The following NAV3 variants were observed in gnomAD, a reference collection of about 807,000 sequenced individuals.
The protein encoded by NAV3 is pore membrane and/or filament interacting like protein 1.
In NAV3, 87 loss-of-function variants were observed where a neutral mutation model predicts 244.7. The ratio of observed to expected loss-of-function variants is 0.36; its 90% CI spans 0.30 to 0.42. The LOEUF (loss-of-function observed/expected upper bound fraction) is 0.42, where lower values mean the gene tolerates loss of function less well. Ranked by LOEUF, NAV3 falls within the 20% of genes least tolerant of loss-of-function variation. The pLI is 1.00. For synonymous variants in NAV3, 1,126 were observed against 1,042.2 expected (o/e 1.08, Z -1.55); for missense variants, 2,663 against 2,893.3 (o/e 0.92, Z 1.83).
At chr12:78,009,617 C>T (rs575826552) in intron 8 of NAV3, among the ~76,000 whole-genome samples, 48 of 152,204 alleles carry the variant, frequency 3.2e-4, no homozygotes, top group African/African-American at 4.8e-4. Context: ...TTCTGACCCA[C>T]AATTTCCTAA....
At chr12:78,141,143 T>C (rs414480) in intron 20 of NAV3, among the ~76,000 whole-genome samples, 50,887 of 151,860 alleles carry the variant, frequency 0.34, 8,819 homozygotes, top group East Asian at 0.48. Flanking sequence ...CCTCCTGCTT[T>C]AGCCTCCCCA....
At chr12:77,934,076 G>A (rs116930224) in intron 1 of NAV3, among the ~76,000 whole-genome samples, 2 of 152,192 alleles carry the variant, frequency 1.3e-5, no homozygotes, top group East Asian at 1.9e-4. Flanking sequence ...AGTGTTTGAG[G>A]GCCAGGCTCA....
At chr12:77,630,343 C>T (rs1222929978) in intron 2 of NAV3, among the ~76,000 whole-genome samples, 1 of 152,162 alleles carries the variant, frequency 6.6e-6, no homozygotes, top group African/African-American at 2.4e-5. Context: ...TATAGATTAG[C>T]AAATTATTAC....
rs73427434 is a variant in NAV3 at position 77,667,258 on chromosome 12, C to T, written c.72+94992C>T. On this transcript the variant is annotated intron_variant, in intron 2 of 8. Transcript: ENST00000550042. Reference sequence around the variant, plus strand: ...ACATACCAGGAAAGGCGAGAGAATCCACAGACCCTTTGAAGGAACTGGATT... The same window carrying T: ...ACATACCAGGAAAGGCGAGAGAATCTACAGACCCTTTGAAGGAACTGGATT... Among the ~76,000 whole-genome samples, 1,267 of 152,172 alleles carry T rather than the reference C, an allele frequency of 8.3e-3. 18 individuals carry two copies. Among genetic ancestry groups the T allele is most frequent in the African/African-American group, 0.029 (1,201 of 41,520 alleles).
At chr12:77,767,797 C>A (rs776544521) in intron 2 of NAV3, among the ~76,000 whole-genome samples, 13 of 152,138 alleles carry the variant, frequency 8.5e-5, no homozygotes, top group Non-Finnish European at 1.5e-4. Context: ...TCTGAGATCC[C>A]CAAAGGGCTG....
chr12:78,013,059 C>T (rs943735665), intron 8 of NAV3, among the ~76,000 whole-genome samples: 1 of 152,068 alleles, frequency 6.6e-6, no homozygotes, highest in African/African-American at 2.4e-5. Flanking sequence ...TCTCTCACTT[C>T]CTATAAATGG....
intron 8 of NAV3, among the ~76,000 whole-genome samples, chr12:78,011,727 A>G (rs1394826623): frequency 6.6e-6 from 1 of 152,232 alleles, no homozygotes; most frequent in Non-Finnish European, 1.5e-5. Flanking sequence ...GAGAGACTAT[A>G]TTAGTCAGTT....
chr12:78,106,097 A>G (rs1023750039), intron 12 of NAV3, among the ~76,000 whole-genome samples: 19 of 151,752 alleles, frequency 1.3e-4, no homozygotes, highest in African/African-American at 4.6e-4. Context: ...TAATATATTT[A>G]AATGTAGAGA....
chr12:77,915,400 T>G (rs1340657932), intron 1 of NAV3, among the ~76,000 whole-genome samples: 3 of 151,990 alleles, frequency 2.0e-5, no homozygotes, highest in Non-Finnish European at 4.4e-5. Context: ...CTCTGAAATT[T>G]CTTCTTGTAT....
In NAV3 at chr12:78,079,467, G is replaced by T. The variant is rs979537574; in HGVS notation, c.2636+20352G>T. Among the ~76,000 whole-genome samples, 3 of 152,166 alleles carry T rather than the reference G, an allele frequency of 2.0e-5. No individual in the cohort carries two copies. In the South Asian group the frequency reaches 6.2e-4, roughly 32 times the overall value. Reference sequence around the variant, plus strand: ...TATCAGCAAAAAGGCTGTATTTTTTGATATTTTTTATTTGGTATTTGATAT... The same window carrying T: ...TATCAGCAAAAAGGCTGTATTTTTTTATATTTTTTATTTGGTATTTGATAT... On this transcript the variant is annotated intron_variant, in intron 12 of 39. Coordinates refer to ENST00000397909, the MANE Select transcript of NAV3 (RefSeq NM_001024383.2).
chr12:77,997,553 C>T (rs1441110804), intron 6 of NAV3, among the ~76,000 whole-genome samples: 1 of 152,164 alleles, frequency 6.6e-6, no homozygotes, highest in Admixed American at 6.5e-5. Context: ...CCTTCATACA[C>T]AAAGAGTAGC....
At chr12:77,963,539 GA>G (rs1267292388) in intron 3 of NAV3, among the ~76,000 whole-genome samples, 3 of 152,090 alleles carry the variant, frequency 2.0e-5, no homozygotes, top group South Asian at 2.1e-4. Context: ...TACATTGTGA[GA>G]AAATAAATTT....
In NAV3 at chr12:77,572,210, G is replaced by C. The variant is rs1357070062; in HGVS notation, c.16G>C (p.Glu6Gln). 30 of 154,314 alleles carry C rather than the reference G, an allele frequency of 1.9e-4. No individual in the cohort carries two copies. The Admixed American group carries it at 2.0e-3, about 10-fold the overall frequency. The allele number at this position is 154,314 out of a possible 1,614,324, so 9.6% of individuals were successfully genotyped here. The change falls in exon 2 of 9, where the codon GAA (glutamate) becomes CAA (glutamine). Residue 6 changes from glutamate to glutamine, a missense_variant. Physicochemically the swap from Glu to Gln is conservative, Grantham distance 29. Transcript: ENST00000550042. ...ACCTAATGTGATGGATTTATCTTCAGAAATGAACAGACATGGGAAGAATCC... is the reference window on the plus strand; with the variant it reads ...ACCTAATGTGATGGATTTATCTTCACAAATGAACAGACATGGGAAGAATCC...
intron 3 of NAV3, among the ~76,000 whole-genome samples, chr12:77,961,303 T>TA (rs1891938630): frequency 3.5e-5 from 5 of 143,840 alleles, no homozygotes; most frequent in Non-Finnish European, 7.5e-5. Context: ...TACACATATG[T>TA]ATATATTACA....
chr12:77,578,283 G>A (rs1869187541), intron 2 of NAV3, among the ~76,000 whole-genome samples: 1 of 152,170 alleles, frequency 6.6e-6, no homozygotes, highest in Non-Finnish European at 1.5e-5. Flanking sequence ...TGCATTTTAA[G>A]ATCCCCCGGT....
At chr12:78,018,922 A>AATCCTCT (rs1876687807) in intron 8 of NAV3, among the ~76,000 whole-genome samples, 1 of 152,158 alleles carries the variant, frequency 6.6e-6, no homozygotes, top group Non-Finnish European at 1.5e-5. Flanking sequence ...GTGGAAGAAC[A>AATCCTCT]GACTTTAGTA....
At chr12:77,883,653 G>A (rs576561395) in intron 1 of NAV3, among the ~76,000 whole-genome samples, 1 of 152,272 alleles carries the variant, frequency 6.6e-6, no homozygotes, top group Non-Finnish European at 1.5e-5. Context: ...ATGAGAGAGA[G>A]AAAGAGTATG....
intron 15 of NAV3, among the ~76,000 whole-genome samples, chr12:78,120,722 CAA>C (rs1264629873): frequency 2.6e-5 from 4 of 152,082 alleles, no homozygotes; most frequent in African/African-American, 9.7e-5. Flanking sequence ...AAATTGGGGA[CAA>C]ATATCTAAAC....
At chr12:78,080,256 A>G (rs1343807800) in intron 12 of NAV3, among the ~76,000 whole-genome samples, 2 of 152,218 alleles carry the variant, frequency 1.3e-5, no homozygotes, top group Admixed American at 6.5e-5. Context: ...TAGAAAGTGG[A>G]AAATGAAAGT....
Sources: allele counts gnomAD v4.1 joint callset (sites outside exome capture counted in the v4.1 genomes callset), GRCh38; gene constraint gnomAD v4.1.1; transcripts MANE v1.5; gene names NCBI Gene and HGNC (gene_info 2026-07-23, HGNC 2026-07-21).